The following NEGR1 variants were observed in gnomAD, a reference collection of about 807,000 sequenced individuals.
The protein encoded by NEGR1 is neuronal growth regulator 1, also known as IgLON family member 4.
In NEGR1, 10 loss-of-function variants were observed where a neutral mutation model predicts 40.9. That is an observed-to-expected ratio of 0.24 (90% CI 0.15 to 0.42). NEGR1 has a LOEUF of 0.42. Among genes scored for constraint, NEGR1 ranks in the 10% least tolerant of loss-of-function variants. The pLI, the probability that NEGR1 is intolerant of heterozygous loss-of-function variation, is 1.00. For synonymous variants in NEGR1, 185 were observed against 166.8 expected, an observed-to-expected ratio of 1.11 and a Z score of -0.84; for missense variants, 352 against 438.9, an observed-to-expected ratio of 0.80 and a Z score of 1.77.
intron 6 of NEGR1, among the ~76,000 whole-genome samples, chr1:71,408,249 G>T (rs1646292274): frequency 6.6e-6 from 1 of 152,022 alleles, no homozygotes; most frequent in Non-Finnish European, 1.5e-5. Flanking sequence ...AGAATATAAA[G>T]GTAGATTTAG....
intron 4 of NEGR1, among the ~76,000 whole-genome samples, chr1:71,673,864 G>A (rs1438887440): frequency 1.3e-5 from 2 of 151,992 alleles, no homozygotes; most frequent in Non-Finnish European, 2.9e-5. Context: ...CAGTTCTATG[G>A]AGCTCAGTCT....
At chr1:72,014,775 A>G (rs1443261726) in intron 1 of NEGR1, among the ~76,000 whole-genome samples, 1 of 152,056 alleles carries the variant, frequency 6.6e-6, no homozygotes, top group Non-Finnish European at 1.5e-5. Context: ...TCTTCATTTA[A>G]CTAATATCTC....
At chr1:71,837,632 C>T (rs961191007) in intron 2 of NEGR1, among the ~76,000 whole-genome samples, 11 of 152,026 alleles carry the variant, frequency 7.2e-5, no homozygotes, top group Non-Finnish European at 1.3e-4. Flanking sequence ...TCTATCTACC[C>T]TATAATAAGT....
intron 3 of NEGR1, among the ~76,000 whole-genome samples, chr1:71,712,227 A>T (rs1014048271): frequency 1.8e-4 from 28 of 152,236 alleles, no homozygotes; most frequent in African/African-American, 6.8e-4. Context: ...AAATGACTAA[A>T]TTTTAAAAGA....
intron 1 of NEGR1, among the ~76,000 whole-genome samples, chr1:72,142,547 A>ATAGC (rs1312832475): frequency 5.9e-5 from 9 of 151,674 alleles, no homozygotes; most frequent in Non-Finnish European, 1.5e-5. Context: ...AGATAGATAG[A>ATAGC]TAGATAGATA....
At chr1:71,560,457 A>G (rs1648416552) in intron 6 of NEGR1, among the ~76,000 whole-genome samples, 1 of 143,912 alleles carries the variant, frequency 6.9e-6, no homozygotes, top group African/African-American at 2.5e-5. Flanking sequence ...ATGTATATAT[A>G]TATTTCCAAT....
At chr1:71,612,244 A>T (rs2101543873) in intron 4 of NEGR1, among the ~76,000 whole-genome samples, 1 of 152,302 alleles carries the variant, frequency 6.6e-6, no homozygotes, top group South Asian at 2.1e-4. Context: ...AACAAAAAAG[A>T]AATGTATTGC....
chr1:71,908,984 T>C (rs960391231), intron 2 of NEGR1, among the ~76,000 whole-genome samples: 1 of 152,218 alleles, frequency 6.6e-6, no homozygotes, highest in African/African-American at 2.4e-5. Flanking sequence ...GTAACATTGT[T>C]GACAAAAGAC....
intron 3 of NEGR1, among the ~76,000 whole-genome samples, chr1:71,762,196 A>G (rs1004536942): frequency 1.3e-5 from 2 of 151,954 alleles, no homozygotes; most frequent in African/African-American, 4.8e-5. Flanking sequence ...TGGCAATAAG[A>G]TAGAGTTCTA....
chr1:71,987,911 GGAGCC>G (rs202133422), intron 1 of NEGR1, among the ~76,000 whole-genome samples: 6,992 of 152,210 alleles, frequency 0.046, 203 homozygotes, highest in Non-Finnish European at 0.073. Context: ...ATTTGAAAGA[GGAGCC>G]CTTCATTCAA....
intron 2 of NEGR1, among the ~76,000 whole-genome samples, chr1:71,919,203 G>A (rs1361413412): frequency 6.6e-6 from 1 of 151,974 alleles, no homozygotes; most frequent in Non-Finnish European, 1.5e-5. Context: ...CATCATAATT[G>A]TGTTTTACTC....
chr1:71,964,188 A>G (rs1201825071), intron 1 of NEGR1, among the ~76,000 whole-genome samples: 6 of 152,184 alleles, frequency 3.9e-5, no homozygotes, highest in Non-Finnish European at 5.9e-5. Context: ...CACATCGCCC[A>G]TGCCACAGAT....
At chr1:72,015,855 A>G (rs1646705173) in intron 1 of NEGR1, among the ~76,000 whole-genome samples, 1 of 152,072 alleles carries the variant, frequency 6.6e-6, no homozygotes, top group South Asian at 2.1e-4. Context: ...AGTAGCTCTT[A>G]AGTCCATGAC....
chr1:71,750,142 C>T (rs545962951), intron 3 of NEGR1, among the ~76,000 whole-genome samples: 11 of 152,050 alleles, frequency 7.2e-5, no homozygotes, highest in East Asian at 2.0e-4. Flanking sequence ...TACAGGCGCC[C>T]GCCACCGCGC....
intron 4 of NEGR1, among the ~76,000 whole-genome samples, chr1:71,630,822 T>C (rs1650947683): frequency 1.3e-5 from 2 of 151,914 alleles, no homozygotes; most frequent in South Asian, 4.1e-4. Context: ...ATAGAAAATA[T>C]GCTAAAACAC....
chr1:72,025,813 T>TAA (rs1404173702), intron 1 of NEGR1, among the ~76,000 whole-genome samples: 5 of 152,054 alleles, frequency 3.3e-5, no homozygotes, highest in Admixed American at 2.6e-4. Context: ...GCCTTACTTT[T>TAA]AAGAAATGAC....
intron 2 of NEGR1, among the ~76,000 whole-genome samples, chr1:71,798,460 AG>A (rs1657422183): frequency 6.6e-6 from 1 of 152,246 alleles, no homozygotes; most frequent in South Asian, 2.1e-4. Flanking sequence ...ATGTAATAAA[AG>A]AACAGGATAA....
intron 6 of NEGR1, among the ~76,000 whole-genome samples, chr1:71,565,081 G>A (rs1390388692): frequency 1.3e-5 from 2 of 152,064 alleles, no homozygotes; most frequent in Non-Finnish European, 2.9e-5. Flanking sequence ...ACCAATCAAA[G>A]GCCCATTTAT....
chr1:71,443,450 T>C (rs1038465225), intron 6 of NEGR1, among the ~76,000 whole-genome samples: 1 of 152,224 alleles, frequency 6.6e-6, no homozygotes, highest in African/African-American at 2.4e-5. Context: ...TTTTTTTAGT[T>C]ATATGTTATC....
Sources: allele counts gnomAD v4.1 joint callset (sites outside exome capture counted in the v4.1 genomes callset), GRCh38; gene constraint gnomAD v4.1.1; transcripts MANE v1.5; gene names NCBI Gene and HGNC (gene_info 2026-07-23, HGNC 2026-07-21).